Variants in ERI1 observed in about 807,000 individuals in gnomAD.
The protein encoded by ERI1 is exoribonuclease 1, also known as 3'-5' exoribonuclease 1.
A neutral mutation model predicts 39.7 loss-of-function variants in ERI1; 39 were observed. That is an observed-to-expected ratio of 0.98 (90% CI 0.76 to 1.28). The LOEUF is 1.28. Ranked by LOEUF, ERI1 falls within the 50% of genes most tolerant of loss-of-function variation. The pLI is 0.00. For missense variants in ERI1, 581 were observed against 416.9 expected, an observed-to-expected ratio of 1.39 and a Z score of -3.43; for synonymous variants, 204 against 149.6, an observed-to-expected ratio of 1.36 and a Z score of -2.65.
chr8:9,058,911 C>T (rs1190895011), intron 3 of ERI1, among the ~76,000 whole-genome samples: 2 of 152,070 alleles, frequency 1.3e-5, no homozygotes, highest in South Asian at 2.1e-4. Flanking sequence ...TACAAACCAA[C>T]TTTCATGCGC....
In ERI1 at chr8:9,007,932, ATCCTTTTTTTTTTT is replaced by A. The variant is rs59992043; in HGVS notation, c.109-36_109-23del. The A allele has an allele frequency of 0.093, 141,872 of 1,519,820 alleles. 2,216 individuals are homozygous for A. Among genetic ancestry groups the A allele is most frequent in the African/African-American group, 0.16 (10,763 of 66,028 alleles). The allele number at this position is 1,519,820 out of a possible 1,614,324, so 94.1% of individuals were successfully genotyped here. ...GATGTTTGTACTAATTATAAACTACATCCTTTTTTTTTTTTTTTTTTTTTTTTTTTTTGGTAGGA... is the reference window on the plus strand; with the variant it reads ...GATGTTTGTACTAATTATAAACTACATTTTTTTTTTTTTTTTTTGGTAGGA... On this transcript the variant is annotated intron_variant, in intron 1 of 6. Coordinates refer to ENST00000250263, the MANE Select transcript of ERI1 (RefSeq NM_153332.4).
intron 3 of ERI1, among the ~76,000 whole-genome samples, chr8:9,013,324 T>TA (rs34377572): frequency 0.26 from 35,908 of 137,274 alleles, 4,935 homozygotes; most frequent in Non-Finnish European, 0.31. Flanking sequence ...CATTCTCACT[T>TA]AAAAAAAAAA....
chr8:9,047,056 G>A (rs1239926196), intron 3 of ERI1, among the ~76,000 whole-genome samples: 2 of 152,170 alleles, frequency 1.3e-5, no homozygotes, highest in East Asian at 1.9e-4. Flanking sequence ...ATAAAGCACG[G>A]CTGTTCCCAA....
chr8:9,018,358 A>C lies in ERI1; in HGVS notation c.644A>C (p.Lys215Thr), dbSNP rs1817523006. The C allele has an allele frequency of 1.2e-6, 2 of 1,611,684 alleles. No homozygotes were observed. Among genetic ancestry groups the C allele is most frequent in the African/African-American group, 1.3e-5 (1 of 75,006 alleles). ...QVLKKVIDWMKLKELGTKYKY... is the reference protein window; with the variant it reads ...QVLKKVIDWMTLKELGTKYKY... ...CTAAAAAAAGTAATTGACTGGATGA[A>C]ATTGAAGGAATTAGGAACAAAGTAT... The change falls in exon 5 of 7, where the codon AAA becomes ACA. Residue 215 changes from lysine to threonine, a missense_variant. Coordinates refer to ENST00000250263, the MANE Select transcript of ERI1 (RefSeq NM_153332.4).
chr8:9,042,172 A>G (rs1056168093), intron 3 of ERI1, among the ~76,000 whole-genome samples: 2 of 152,302 alleles, frequency 1.3e-5, no homozygotes, highest in South Asian at 4.1e-4. Flanking sequence ...GCCAAGAGAA[A>G]TGTCTGCACA....
chr8:9,030,932 T>C lies in ERI1; in HGVS notation c.*898T>C, dbSNP rs775471156. The C allele has an allele frequency of 6.6e-6, 1 of 152,196 alleles. No individual in the cohort carries two copies. Among genetic ancestry groups the C allele is most frequent in the African/African-American group, 2.4e-5 (1 of 41,460 alleles). 9.4% of individuals were successfully genotyped at this position (152,196 alleles called of 1,614,324 possible). On this transcript the variant is annotated 3_prime_UTR_variant, in exon 7 of 7. Coordinates refer to ENST00000250263, the MANE Select transcript of ERI1 (RefSeq NM_153332.4). ...TATTACGTTTTTGTTATTAAAAAACTTCATTGGCCACTAGTGAAGTTAGTC... is the reference window on the plus strand; with the variant it reads ...TATTACGTTTTTGTTATTAAAAAACCTCATTGGCCACTAGTGAAGTTAGTC...
rs1380317473 is a variant in ERI1 at position 9,031,723 on chromosome 8, A to C, written c.*1689A>C. Reference sequence around the variant, plus strand: ...CAAGCTCATGTTGTATTTCTTTTTAAGAACTTCAACATTATAAGCTCTCAG... The same window carrying C: ...CAAGCTCATGTTGTATTTCTTTTTACGAACTTCAACATTATAAGCTCTCAG... On this transcript the variant is annotated 3_prime_UTR_variant, in exon 7 of 7. Coordinates refer to ENST00000250263, the MANE Select transcript of ERI1 (RefSeq NM_153332.4). 6.6e-6 allele frequency: 1 copy of C among 152,112 alleles called. No individual in the cohort carries two copies. The highest frequency in any genetic ancestry group is 1.5e-5 in the Non-Finnish European group (1 of 68,018). The allele number at this position is 152,112 out of a possible 1,614,324, so 9.4% of individuals were successfully genotyped here.
intron 6 of ERI1, among the ~76,000 whole-genome samples, chr8:9,027,356 T>A (rs1563334309): frequency 6.6e-6 from 1 of 152,172 alleles, no homozygotes; most frequent in Admixed American, 6.5e-5. Flanking sequence ...TCATGATGTT[T>A]TGAGTTGTAG....
At chr8:9,006,508 C>T (rs531835516) in intron 1 of ERI1, among the ~76,000 whole-genome samples, 2 of 152,234 alleles carry the variant, frequency 1.3e-5, no homozygotes, top group South Asian at 4.1e-4. Flanking sequence ...TAATGTTGAC[C>T]TAAATTTTAA....
chr8:9,090,738 T>C (rs1799676720), intron 3 of ERI1, among the ~76,000 whole-genome samples: 1 of 152,134 alleles, frequency 6.6e-6, no homozygotes, highest in African/African-American at 2.4e-5. Flanking sequence ...GAAAATGGTT[T>C]CAAAGTAATA....
intron 3 of ERI1, among the ~76,000 whole-genome samples, chr8:9,013,090 C>T (rs927456173): frequency 1.3e-5 from 2 of 151,894 alleles, no homozygotes; most frequent in Admixed American, 1.3e-4. Context: ...ACCCAGCTGA[C>T]TGCAACCTCC....
At chr8:9,034,978 C>G (rs190671685), downstream of ERI1, among the ~76,000 whole-genome samples, 4 of 152,330 alleles carry the variant, frequency 2.6e-5, no homozygotes, top group African/African-American at 9.6e-5. Flanking sequence ...CAAACTGCAA[C>G]ATTTCCTTAA....
rs11380594 is a variant in ERI1, at chr8:9,097,666, C to CAAA, written n.300-18666_300-18664dup. 6.0e-4 allele frequency among the ~76,000 whole-genome samples: 58 copies of CAAA among 96,688 alleles called. 1 individual carries two copies. Among genetic ancestry groups the CAAA allele is most frequent in the African/African-American group, 1.7e-3 (48 of 28,476 alleles). The allele number at this position is 96,688 out of a possible 152,430, so 63.4% of individuals were successfully genotyped here. A position where few individuals can be genotyped will look rare whatever the true frequency, so the allele number is the denominator to read the frequency against. Reference sequence around the variant, plus strand: ...CCTAGGTGACAGAATGACACTCTGTCAAAAAAAAAAAAAAAAAAGAGTAAT... The same window carrying CAAA: ...CCTAGGTGACAGAATGACACTCTGTCAAAAAAAAAAAAAAAAAAAAAGAGTAAT... On this transcript the variant is annotated intron_variant and non_coding_transcript_variant, in intron 3 of 3. Coordinates refer to the ERI1 transcript ENST00000518663.
At chr8:9,045,370 A>G (rs1489527219) in intron 3 of ERI1, among the ~76,000 whole-genome samples, 1 of 151,894 alleles carries the variant, frequency 6.6e-6, no homozygotes, top group East Asian at 1.9e-4. Context: ...GTATACTTGC[A>G]CTGAAACGAA....
chr8:9,035,066 G>C (rs1326385262), downstream of ERI1, among the ~76,000 whole-genome samples: 1 of 152,198 alleles, frequency 6.6e-6, no homozygotes, highest in Non-Finnish European at 1.5e-5. Flanking sequence ...AGCTGCAGAA[G>C]AAAAATTTGA....
intron 2 of ERI1, chr8:9,008,898 ATAG>A (rs1816347503): frequency 2.5e-6 from 1 of 397,204 alleles, no homozygotes; most frequent in Non-Finnish European, 5.0e-6. Context: ...AATTCTCTTA[ATAG>A]TAGTATTCTT....
At chr8:9,026,617 C>T (rs1797180521) in intron 6 of ERI1, among the ~76,000 whole-genome samples, 1 of 152,072 alleles carries the variant, frequency 6.6e-6, no homozygotes, top group Admixed American at 6.6e-5. Flanking sequence ...GCTGAGTATA[C>T]CTAATCCAAA....
intron 3 of ERI1, among the ~76,000 whole-genome samples, chr8:9,038,827 GT>G (rs1424962823): frequency 6.6e-6 from 1 of 152,182 alleles, no homozygotes; most frequent in African/African-American, 2.4e-5. Context: ...ATGAGATAAT[GT>G]TTTTACAATT....
chr8:9,039,027 A>G (rs1421695285), intron 3 of ERI1, among the ~76,000 whole-genome samples: 1 of 152,192 alleles, frequency 6.6e-6, no homozygotes, highest in African/African-American at 2.4e-5. Context: ...TTTGTTGAAA[A>G]CAGAATTTTT....
Sources: allele counts gnomAD v4.1 joint callset (sites outside exome capture counted in the v4.1 genomes callset), GRCh38; gene constraint gnomAD v4.1.1; transcripts MANE v1.5; gene names NCBI Gene and HGNC (gene_info 2026-07-23, HGNC 2026-07-21).